The following KAT6A variants were observed in gnomAD, a reference collection of about 807,000 sequenced individuals.
KAT6A encodes lysine acetyltransferase 6A, also known as histone acetyltransferase KAT6A.
A neutral mutation model predicts 198.4 loss-of-function variants in KAT6A; 9 were observed. The ratio of observed to expected loss-of-function variants is 0.05; its 90% confidence interval spans 0.03 to 0.08. KAT6A has a LOEUF of 0.08. KAT6A is among the 10% of genes least tolerant of loss of function. The probability of loss-of-function intolerance (pLI) is 1.00; values close to 1 mark genes in which losing one functional copy is unlikely to be tolerated. For missense variants in KAT6A, 2,077 were observed against 2,509.9 expected (o/e 0.83, Z 3.69); for synonymous variants, 890 against 883.0 (o/e 1.01, Z -0.14).
At chr8:42,019,683 C>G (rs1355439538) in intron 2 of KAT6A, among the ~76,000 whole-genome samples, 5 of 152,104 alleles carry the variant, frequency 3.3e-5, no homozygotes, top group Non-Finnish European at 2.9e-5. Flanking sequence ...GATTGAGTAT[C>G]CAGGGATGTC....
At chr8:41,985,308 G>A (rs1027314187) in intron 3 of KAT6A, among the ~76,000 whole-genome samples, 1 of 152,096 alleles carries the variant, frequency 6.6e-6, no homozygotes, top group Non-Finnish European at 1.5e-5. Context: ...CAACACGCTG[G>A]ATATGACTAC....
chr8:41,955,031 A>AG (rs1822856550), intron 9 of KAT6A, among the ~76,000 whole-genome samples: 1 of 152,026 alleles, frequency 6.6e-6, no homozygotes, highest in Admixed American at 6.6e-5. Context: ...CTTAAAAAAA[A>AG]AATAAAAAAG....
At chr8:41,953,520 C>T (rs140382955) in intron 9 of KAT6A, among the ~76,000 whole-genome samples, 182 of 152,318 alleles carry the variant, frequency 1.2e-3, no homozygotes, top group Non-Finnish European at 1.5e-3. Flanking sequence ...GTTGCCCAGG[C>T]GAGAGTGCAA....
intron 11 of KAT6A, 97 bp from the exon 12 acceptor site, chr8:41,946,781 C>A: frequency 1.4e-6 from 1 of 720,296 alleles, no homozygotes; most frequent in South Asian, 1.5e-5. Flanking sequence ...AAACCCACAG[C>A]CCTGGTCCTT....
chr8:42,049,638 TCTTC>T (rs1426892992), intron 1 of KAT6A: 1 of 152,386 alleles, frequency 6.6e-6, no homozygotes. Context: ...GAATTTCAAC[TCTTC>T]CTTGACATCT....
intron 9 of KAT6A, among the ~76,000 whole-genome samples, chr8:41,951,257 T>C (rs1480314069): frequency 6.6e-6 from 1 of 151,948 alleles, no homozygotes; most frequent in Non-Finnish European, 1.5e-5. Context: ...TTTATTCCAA[T>C]CTAGTTCTCA....
At chr8:41,988,014 A>C (rs1824713704) in intron 2 of KAT6A, among the ~76,000 whole-genome samples, 1 of 152,240 alleles carries the variant, frequency 6.6e-6, no homozygotes, top group Non-Finnish European at 1.5e-5. Flanking sequence ...AGTGTTTTCT[A>C]GCAGTACGAA....
chr8:41,949,169 G>A (rs1170799393), intron 10 of KAT6A, 53 bp downstream of exon 10: 2 of 1,240,176 alleles, frequency 1.6e-6, no homozygotes, highest in East Asian at 3.0e-5. Flanking sequence ...TGCAATATAG[G>A]TGGCCCTACT....
chr8:41,949,113 C>A, intron 10 of KAT6A, 109 bp downstream of exon 10: 1 of 643,542 alleles, frequency 1.6e-6, no homozygotes, highest in Non-Finnish European at 2.4e-6. Flanking sequence ...GTACTTTTTC[C>A]ATTTTAGTGA....
chr8:42,000,709 A>G (rs964702909), intron 2 of KAT6A, among the ~76,000 whole-genome samples: 13 of 152,204 alleles, frequency 8.5e-5, no homozygotes, highest in African/African-American at 3.1e-4. Flanking sequence ...ATATAGCATC[A>G]TTTTCTTCAA....
At chr8:41,940,803 G>A (rs1441119418) in intron 15 of KAT6A, 39 bp downstream of exon 15, 15 of 1,573,966 alleles carry the variant, frequency 9.5e-6, no homozygotes, top group South Asian at 3.5e-5. Context: ...AGATAAACTG[G>A]AATTGGAGGA....
chr8:41,948,861 C>T (rs1006397594), intron 10 of KAT6A, among the ~76,000 whole-genome samples: 2 of 152,078 alleles, frequency 1.3e-5, no homozygotes, highest in African/African-American at 2.4e-5. Flanking sequence ...GGATCAAGAG[C>T]GCTACTAACA....
Position 42,022,676 on chromosome 8 carries a change from C to T in KAT6A, c.600+25702G>A, listed in dbSNP as rs117293745. On this transcript the variant is annotated intron_variant, in intron 2 of 16. Transcript: ENST00000265713. Reference sequence around the variant, plus strand: ...AAATACAGGAATATCAAAATTATAACGCCATAACACTCTTTAACCCAATAA... The same window carrying T: ...AAATACAGGAATATCAAAATTATAATGCCATAACACTCTTTAACCCAATAA... 2.2e-3 allele frequency among the ~76,000 whole-genome samples: 339 copies of T among 152,264 alleles called. 1 individual carries two copies. Among genetic ancestry groups the T allele is most frequent in the Admixed American group, 3.7e-3 (56 of 15,294 alleles).
At position 41,932,139 on chromosome 8, in the gene KAT6A, G is replaced by T; in HGVS notation, c.*66C>A. On this transcript the variant is annotated 3_prime_UTR_variant, in exon 17 of 17. Coordinates refer to ENST00000265713, the MANE Select transcript of KAT6A (RefSeq NM_006766.5). ...CTGGAAAAAGGTCCATTTTTCTCTG[G>T]TTTGTCAGTATAAAAGGTTCCTTTA... 7.7e-7 allele frequency: 1 copy of T among 1,292,714 alleles called. No homozygotes were observed. Among genetic ancestry groups the T allele is most frequent in the Non-Finnish European group, 1.0e-6 (1 of 1,002,772 alleles). 80.1% of individuals were successfully genotyped at this position (1,292,714 alleles called of 1,614,324 possible).
At chr8:41,942,318 G>GA (rs1822179112) in intron 14 of KAT6A, 1 of 231,476 alleles carries the variant, frequency 4.3e-6, no homozygotes, top group Non-Finnish European at 8.6e-6. Flanking sequence ...TTTGTTGTTG[G>GA]GTTTTTTTTG....
In KAT6A at chr8:41,977,382, C is replaced by A. The variant is rs1748046853; in HGVS notation, c.1044-55G>T. 5.5e-6 allele frequency: 7 copies of A among 1,265,550 alleles called. No homozygotes were observed. The African/African-American group carries it at 7.5e-5, about 13-fold the overall frequency. The allele number at this position is 1,265,550 out of a possible 1,614,324, so 78.4% of individuals were successfully genotyped here. On this transcript the variant is annotated intron_variant, in intron 6 of 16. Coordinates refer to ENST00000265713, the MANE Select transcript of KAT6A (RefSeq NM_006766.5). ...TATTAAAAAAGATACTTGTAAGGTTCCTTTTTAATACATAACATATAATTA... is the reference window on the plus strand; with the variant it reads ...TATTAAAAAAGATACTTGTAAGGTTACTTTTTAATACATAACATATAATTA...
At chr8:41,954,446 T>C (rs1175904939) in intron 9 of KAT6A, among the ~76,000 whole-genome samples, 1 of 152,240 alleles carries the variant, frequency 6.6e-6, no homozygotes, top group Non-Finnish European at 1.5e-5. Flanking sequence ...TTATTTCTTG[T>C]AACACCCTAC....
intron 2 of KAT6A, among the ~76,000 whole-genome samples, chr8:42,018,356 C>A (rs1269277529): frequency 2.0e-5 from 3 of 151,950 alleles, no homozygotes; most frequent in Non-Finnish European, 4.4e-5. Context: ...TACTAAAATA[C>A]AAAAATTAGC....
At position 42,048,375 on chromosome 8, in the gene KAT6A, T is replaced by C. The variant is rs1306945873; in HGVS notation, c.600+3A>G. 6.2e-7 allele frequency: 1 copy of C among 1,613,078 alleles called. No individual in the cohort carries two copies. The highest frequency in any genetic ancestry group is 8.5e-7 in the Non-Finnish European group (1 of 1,179,090). ...TAAACCCCGAAGCATATGCCATTCT[T>C]ACCTTATCCTTTTCATGTGGAAGAA... On this transcript the variant is annotated splice_donor_region_variant and intron_variant, in intron 2 of 16. Transcript: ENST00000265713.
Sources: gnomAD v4.1 joint callset for allele counts (sites outside exome capture counted in the v4.1 genomes callset) on GRCh38, gnomAD v4.1.1 for gene constraint, MANE v1.5 for transcripts, NCBI Gene and HGNC (gene_info 2026-07-23, HGNC 2026-07-21) for gene names.